Variants in ACTR3C observed in about 807,000 individuals in gnomAD.
The protein encoded by ACTR3C is actin-related protein 3C.
ACTR3C carries 18 observed loss-of-function variants against 26.3 expected under a neutral mutation model. The observed-to-expected ratio is 0.68, with a 90% CI of 0.47 to 1.01. The LOEUF (loss-of-function observed/expected upper bound fraction) is 1.01, where lower values mean the gene tolerates loss of function less well. ACTR3C is among the 50% of genes least tolerant of loss of function. ACTR3C has a pLI of 0.00. For missense variants in ACTR3C, 184 were observed against 250.7 expected (o/e 0.73, Z 1.80); for synonymous variants, 55 against 94.5 (o/e 0.58, Z 2.42).
chr7:150,253,664 G>A (rs959988319), intron 6 of ACTR3C, among the ~76,000 whole-genome samples: 3 of 151,704 alleles, frequency 2.0e-5, no homozygotes, highest in African/African-American at 7.3e-5. Flanking sequence ...AATTAATAAT[G>A]GGATAGTAAT....
chr7:149,999,371 A>C, the ACTR3C span, among the ~76,000 whole-genome samples: 7 of 150,776 alleles, frequency 4.6e-5, 1 homozygote, highest in South Asian at 1.1e-3. Flanking sequence ...AATAGCGTTC[A>C]ATCAGACGGG....
chr7:150,114,716 C>G, the ACTR3C span, among the ~76,000 whole-genome samples: 1 of 152,180 alleles, frequency 6.6e-6, no homozygotes, highest in African/African-American at 2.4e-5. Flanking sequence ...AATGTGTAAC[C>G]AGTGGAAACA....
At chr7:150,158,518 A>G in the ACTR3C span, among the ~76,000 whole-genome samples, 4 of 152,184 alleles carry the variant, frequency 2.6e-5, no homozygotes, top group African/African-American at 9.7e-5. Flanking sequence ...TTAAAAAAAG[A>G]ATGAAATCCT....
rs370220857 is a variant in ACTR3C at position 150,291,715 on chromosome 7, G to A, written c.153+1597C>T. On this transcript the variant is annotated intron_variant, in intron 3 of 7. Transcript: ENST00000683684. ...AAAGAACCAAAGGGGGTGCAGGCCA[G>A]GGGCCTACGGGGGCCTCATCTTGGA... 9.8e-4 allele frequency among the ~76,000 whole-genome samples: 149 copies of A among 152,128 alleles called. 1 individual carries two copies. In the East Asian group the frequency reaches 0.025, roughly 25 times the overall value.
chr7:150,171,991 T>C, the ACTR3C span, among the ~76,000 whole-genome samples: 1 of 150,740 alleles, frequency 6.6e-6, no homozygotes, highest in East Asian at 1.9e-4. Context: ...TTTTGTATTT[T>C]AGTAGAGACG....
At chr7:150,017,817 C>T in the ACTR3C span, among the ~76,000 whole-genome samples, 1 of 150,280 alleles carries the variant, frequency 6.7e-6, no homozygotes, top group Admixed American at 6.6e-5. Context: ...CCGCAGGCTC[C>T]ACCTTGCCTC....
chr7:150,041,916 G>C, the ACTR3C span, among the ~76,000 whole-genome samples: 18 of 147,418 alleles, frequency 1.2e-4, no homozygotes, highest in South Asian at 2.2e-4. Flanking sequence ...GAGCCAGGGG[G>C]GGAAGAGGGT....
the ACTR3C span, among the ~76,000 whole-genome samples, chr7:150,115,645 A>G: frequency 6.6e-6 from 1 of 152,376 alleles, no homozygotes; most frequent in Non-Finnish European, 1.5e-5. Context: ...TGGGAGGCAA[A>G]GTAGTCTTGA....
At chr7:150,126,493 G>A in the ACTR3C span, among the ~76,000 whole-genome samples, 15 of 152,286 alleles carry the variant, frequency 9.8e-5, no homozygotes, top group East Asian at 1.9e-4. Context: ...CATGGGAAAC[G>A]AGAGAGTTGC....
the ACTR3C span, among the ~76,000 whole-genome samples, chr7:150,065,758 T>A: frequency 6.6e-6 from 1 of 150,730 alleles, no homozygotes; most frequent in Admixed American, 6.6e-5. Flanking sequence ...GTTCTTTCCA[T>A]CTGGGTTGAA....
chr7:150,302,422 A>G (rs1358930135), intron 1 of ACTR3C, among the ~76,000 whole-genome samples: 1 of 152,056 alleles, frequency 6.6e-6, no homozygotes, highest in East Asian at 1.9e-4. Context: ...GAAAAACTGT[A>G]TGCACAAAGA....
chr7:150,022,976 T>C, the ACTR3C span, among the ~76,000 whole-genome samples: 1 of 151,538 alleles, frequency 6.6e-6, no homozygotes, highest in Non-Finnish European at 1.5e-5. Flanking sequence ...TTTTACTAAT[T>C]AATATATGCA....
chr7:149,884,055 C>T, the ACTR3C span, among the ~76,000 whole-genome samples: 2 of 152,182 alleles, frequency 1.3e-5, no homozygotes, highest in African/African-American at 4.8e-5. Flanking sequence ...CTGCAGAAGC[C>T]CTCAAAGAGC....
At chr7:150,126,714 C>CT in the ACTR3C span, among the ~76,000 whole-genome samples, 1 of 152,132 alleles carries the variant, frequency 6.6e-6, no homozygotes, top group Non-Finnish European at 1.5e-5. Context: ...TAAAGAAAGG[C>CT]TTTTTTAAGA....
chr7:149,994,630 G>A, the ACTR3C span, among the ~76,000 whole-genome samples: 1 of 151,764 alleles, frequency 6.6e-6, no homozygotes, highest in Non-Finnish European at 1.5e-5. Flanking sequence ...AGCTAAGGAG[G>A]GGCTTTATGG....
chr7:149,912,222 G>A, the ACTR3C span, among the ~76,000 whole-genome samples: 1 of 151,236 alleles, frequency 6.6e-6, no homozygotes, highest in African/African-American at 2.4e-5. Context: ...CCAAAGTTTT[G>A]TACCCTGAAA....
chr7:150,164,875 G>A, the ACTR3C span, among the ~76,000 whole-genome samples: 26 of 152,248 alleles, frequency 1.7e-4, no homozygotes, highest in South Asian at 4.2e-4. Flanking sequence ...CAGGTGACTC[G>A]TTATAGGGAG....
At chr7:150,194,787 T>C in the ACTR3C span, among the ~76,000 whole-genome samples, 1 of 152,186 alleles carries the variant, frequency 6.6e-6, no homozygotes, top group Non-Finnish European at 1.5e-5. Context: ...AATCAACATC[T>C]AACTTTAAAT....
the ACTR3C span, among the ~76,000 whole-genome samples, chr7:150,202,094 A>G: frequency 2.0e-5 from 3 of 152,330 alleles, no homozygotes; most frequent in Middle Eastern, 3.4e-3. Flanking sequence ...TTTAAAGACT[A>G]ACTAGGTCAT....
Sources: allele counts gnomAD v4.1 joint callset (sites outside exome capture counted in the v4.1 genomes callset), GRCh38; gene constraint gnomAD v4.1.1; transcripts MANE v1.5; gene names NCBI Gene and HGNC (gene_info 2026-07-23, HGNC 2026-07-21).